The following RBL1 variants were observed in gnomAD, a reference collection of about 807,000 sequenced individuals.
RBL1 encodes RB transcriptional corepressor like 1.
Under a neutral mutation model 123.0 loss-of-function variants are expected in RBL1, and 82 were observed. The observed-to-expected ratio is 0.67, with a 90% CI of 0.56 to 0.80. The LOEUF (loss-of-function observed/expected upper bound fraction) is 0.80, where lower values mean the gene tolerates loss of function less well. Ranked by LOEUF, RBL1 falls within the 30% of genes least tolerant of loss-of-function variation. The pLI is 0.00. For missense variants in RBL1, 1,171 were observed against 1,299.6 expected (o/e 0.90, Z 1.52); for synonymous variants, 405 against 441.3 (o/e 0.92, Z 1.03).
intron 11 of RBL1, chr20:37,049,290 A>G: frequency 3.3e-6 from 2 of 611,322 alleles, no homozygotes; most frequent in Non-Finnish European, 2.9e-6. Context: ...AGGGAAAACC[A>G]TCACCCTCAA....
intron 19 of RBL1, among the ~76,000 whole-genome samples, chr20:37,011,937 A>G (rs1017068194): frequency 1.3e-5 from 2 of 152,098 alleles, no homozygotes; most frequent in Non-Finnish European, 2.9e-5. Context: ...CCGAAGCTGG[A>G]CTGTACTGCT....
At chr20:37,057,362 T>C (rs1431167654) in intron 9 of RBL1, among the ~76,000 whole-genome samples, 1 of 152,176 alleles carries the variant, frequency 6.6e-6, no homozygotes, top group Non-Finnish European at 1.5e-5. Context: ...TACCAACACC[T>C]GCTATTTTGG....
At chr20:37,069,608 C>G (rs1403010828) in intron 2 of RBL1, among the ~76,000 whole-genome samples, 1 of 151,826 alleles carries the variant, frequency 6.6e-6, no homozygotes, top group Non-Finnish European at 1.5e-5. Flanking sequence ...CCGGCAACCG[C>G]CCCGTCTGAG....
At chr20:37,002,195 A>AT (rs1044428973) in intron 21 of RBL1, among the ~76,000 whole-genome samples, 23 of 150,078 alleles carry the variant, frequency 1.5e-4, no homozygotes, top group African/African-American at 5.4e-4. Flanking sequence ...ATGCCTGGCT[A>AT]TTTTTTTGTC....
chr20:37,083,400 G>A (rs550144066), intron 2 of RBL1, among the ~76,000 whole-genome samples: 2 of 151,984 alleles, frequency 1.3e-5, no homozygotes, highest in South Asian at 2.1e-4. Context: ...CCCAGAAGGC[G>A]GAGGTTGCAA....
At chr20:37,015,436 G>T (rs1036586904) in intron 19 of RBL1, among the ~76,000 whole-genome samples, 12 of 147,020 alleles carry the variant, frequency 8.2e-5, no homozygotes, top group East Asian at 8.0e-4. Flanking sequence ...TTTTGTTGTT[G>T]TTTTTTTTTT....
chr20:37,069,953 C>T (rs2065258128), intron 2 of RBL1, among the ~76,000 whole-genome samples: 3 of 151,698 alleles, frequency 2.0e-5, no homozygotes, highest in East Asian at 1.9e-4. Context: ...CCGGCCACCA[C>T]CCCGTCTGGG....
rs980937819 is a variant in RBL1 at position 37,077,304 on chromosome 20, G to T, written c.291-9118C>A. The stretch of plus-strand genomic sequence containing the variant: ...GTAGTAAATTTTATGTGTCAGCTTG[G>T]CTGGGCCACGATGCCCAGATATTTT... On this transcript the variant is annotated intron_variant, in intron 2 of 21. Coordinates refer to ENST00000373664, the MANE Select transcript of RBL1 (RefSeq NM_002895.5). 3.9e-5 allele frequency among the ~76,000 whole-genome samples: 6 copies of T among 152,234 alleles called. No homozygotes were observed. In the East Asian group the frequency reaches 1.2e-3, roughly 29 times the overall value.
At chr20:36,999,459 TCCTCTC>T (rs1270067056) in intron 21 of RBL1, among the ~76,000 whole-genome samples, 2 of 127,934 alleles carry the variant, frequency 1.6e-5, no homozygotes, top group East Asian at 4.6e-4. Flanking sequence ...TCTCCCTCCC[TCCTCTC>T]CCTCTCCCTC....
chr20:37,093,874 A>C, intron 1 of RBL1, among the ~76,000 whole-genome samples: 1 of 151,984 alleles, frequency 6.6e-6, no homozygotes, highest in Non-Finnish European at 1.5e-5. Flanking sequence ...CCCCTGACCT[A>C]AGGTGATCTG....
chr20:37,003,167 C>T (rs2064015099), intron 21 of RBL1, among the ~76,000 whole-genome samples: 1 of 152,196 alleles, frequency 6.6e-6, no homozygotes, highest in Non-Finnish European at 1.5e-5. Flanking sequence ...CCAGTTTATA[C>T]TGATTCTGAC....
chr20:37,088,856 G>C (rs1282478222), intron 2 of RBL1, 133 bp downstream of exon 2: 3 of 540,456 alleles, frequency 5.6e-6, no homozygotes, highest in Non-Finnish European at 7.6e-6. Context: ...CAGTGAGACT[G>C]CGTCTCAAAA....
intron 1 of RBL1, 79 bp from the exon 2 acceptor site, chr20:37,089,201 A>T: frequency 1.5e-6 from 2 of 1,356,200 alleles, no homozygotes; most frequent in East Asian, 2.6e-5. Context: ...AGAGATGTAG[A>T]ATTATCTGGT....
chr20:37,053,498 G>A (rs1014359960), intron 11 of RBL1, among the ~76,000 whole-genome samples: 3 of 152,132 alleles, frequency 2.0e-5, no homozygotes, highest in Admixed American at 1.3e-4. Context: ...GCCTTTCATC[G>A]TGAGCTGCTG....
intron 2 of RBL1, among the ~76,000 whole-genome samples, chr20:37,085,941 G>A (rs991043458): frequency 2.0e-5 from 3 of 151,344 alleles, no homozygotes; most frequent in African/African-American, 4.9e-5. Flanking sequence ...GAGCCACCGC[G>A]CCCAGCCTTG....
chr20:37,004,094 A>AT (rs1208759186), intron 20 of RBL1, among the ~76,000 whole-genome samples: 4 of 144,916 alleles, frequency 2.8e-5, no homozygotes, highest in African/African-American at 1.0e-4. Context: ...GAGATGGAGT[A>AT]TCTCTTGCTC....
At chr20:37,071,458 C>T (rs1395394855) in intron 2 of RBL1, among the ~76,000 whole-genome samples, 1 of 152,008 alleles carries the variant, frequency 6.6e-6, no homozygotes, top group East Asian at 1.9e-4. Context: ...CAGTTTGAGA[C>T]CAGCTTGGGC....
chr20:37,063,156 C>T (rs2065122771), intron 7 of RBL1, among the ~76,000 whole-genome samples: 1 of 152,186 alleles, frequency 6.6e-6, no homozygotes. Context: ...TGGCACACTG[C>T]AGCCTCTACC....
In RBL1 at chr20:37,073,713, A is replaced by T. The variant is rs1600583919; in HGVS notation, c.291-5527T>A. ...ATCCTGTCTCAAAAAAAGAAAAAAA[A>T]AAAAAAAAAGAATACACTACTCAAG... On this transcript the variant is annotated intron_variant, in intron 2 of 21. Transcript: ENST00000373664. Among the ~76,000 whole-genome samples the T allele has an allele frequency of 3.3e-5, 5 of 150,322 alleles. No homozygotes were observed. In the South Asian group the frequency reaches 1.1e-3, roughly 32 times the overall value.
Sources: gnomAD v4.1 joint callset for allele counts (sites outside exome capture counted in the v4.1 genomes callset) on GRCh38, gnomAD v4.1.1 for gene constraint, MANE v1.5 for transcripts, NCBI Gene and HGNC (gene_info 2026-07-23, HGNC 2026-07-21) for gene names.